CLDN2: variants seen among roughly 807,000 people sequenced by gnomAD.
CLDN2 encodes the protein claudin-2.
CLDN2 carries 1 observed loss-of-function variant against 8.2 expected under a neutral mutation model. That is an observed-to-expected ratio of 0.12 (90% CI 0.04 to 0.58). The LOEUF is 0.58. Ranked by LOEUF, CLDN2 falls within the 20% of genes least tolerant of loss-of-function variation. The pLI, the probability that CLDN2 is intolerant of heterozygous loss-of-function variation, is 0.90. For synonymous variants in CLDN2, 70 were observed against 70.2 expected (o/e 1.00, Z 0.01); for missense variants, 108 against 172.9 (o/e 0.62, Z 2.11).
chrX:106,922,657 C>T (rs979068457), intron 1 of CLDN2, among the ~76,000 whole-genome samples: 1 of 112,125 alleles, frequency 8.9e-6, no homozygotes, highest in African/African-American at 3.2e-5. Flanking sequence ...GGGTGAGGAG[C>T]AGGGAGGGCC....
At chrX:106,912,408 CTTTT>C (rs1158258640) in intron 1 of CLDN2, among the ~76,000 whole-genome samples, 9 of 68,010 alleles carry the variant, frequency 1.3e-4, no homozygotes, top group Non-Finnish European at 2.1e-4. Context: ...TTATGGAACT[CTTTT>C]TTTTTTTTTT....
upstream of CLDN2, among the ~76,000 whole-genome samples, chrX:106,914,637 T>C (rs1428510011): frequency 8.9e-6 from 1 of 111,847 alleles, no homozygotes; most frequent in Non-Finnish European, 1.9e-5. Context: ...TTTTGAAAAC[T>C]ATAATTGTCA....
intron 1 of CLDN2, among the ~76,000 whole-genome samples, chrX:106,925,963 G>A (rs765957562): frequency 6.3e-5 from 7 of 111,872 alleles, no homozygotes; most frequent in Non-Finnish European, 3.8e-5. Flanking sequence ...CTAAGATCAC[G>A]CCACCCCACT....
chrX:106,929,173 G>A lies in CLDN2; in HGVS notation c.*252G>A. On this transcript the variant is annotated 3_prime_UTR_variant, in exon 2 of 2. Transcript: ENST00000336803. ...TCACCTTGCTGCTCCCCTGCCCTAA[G>A]TCCCCAACCCTCAACTTGAAACCCC... The A allele has an allele frequency of 2.7e-5, 11 of 407,815 alleles. No individual in the cohort carries two copies. The South Asian group carries it at 5.1e-4, about 19-fold the overall frequency. 33.6% of individuals were successfully genotyped at this position (407,815 alleles called of 1,213,427 possible).
intron 1 of CLDN2, among the ~76,000 whole-genome samples, chrX:106,925,604 G>A (rs991711079): frequency 2.8e-4 from 32 of 112,505 alleles, no homozygotes; most frequent in South Asian, 1.1e-3. Context: ...GCTTTATGTA[G>A]AGTAGTGACT....
chrX:106,919,683 C>T (rs370795910), upstream of CLDN2, among the ~76,000 whole-genome samples: 1 of 112,009 alleles, frequency 8.9e-6, no homozygotes, highest in Admixed American at 9.4e-5. Context: ...AAGGTTTAAC[C>T]GCGTTGGCCA....
intron 1 of CLDN2, among the ~76,000 whole-genome samples, chrX:106,927,130 T>C (rs1309170841): frequency 9.0e-6 from 1 of 111,643 alleles, no homozygotes; most frequent in Non-Finnish European, 1.9e-5. Flanking sequence ...TTGTAGAGAA[T>C]GGGGAGGTGT....
chrX:106,903,335 T>C (rs1436469921), intron 1 of CLDN2: 3 of 1,128,309 alleles, frequency 2.7e-6, no homozygotes, highest in Non-Finnish European at 3.5e-6. Flanking sequence ...CAGAACCTTC[T>C]GCACTCTTTT....
At chrX:106,903,849 G>GA (rs1933144779) in intron 1 of CLDN2, among the ~76,000 whole-genome samples, 1 of 112,230 alleles carries the variant, frequency 8.9e-6, no homozygotes, top group Admixed American at 9.4e-5. Flanking sequence ...CTGGGTTAGG[G>GA]AAAAAAGGGG....
intron 1 of CLDN2, among the ~76,000 whole-genome samples, chrX:106,912,577 C>T (rs1042790030): frequency 1.8e-5 from 2 of 110,022 alleles, no homozygotes; most frequent in African/African-American, 3.3e-5. Flanking sequence ...CCATGCCCAG[C>T]TAATTGTTTT....
intron 1 of CLDN2, chrX:106,901,575 C>T: frequency 8.4e-7 from 1 of 1,183,629 alleles, no homozygotes; most frequent in Non-Finnish European, 1.1e-6. Flanking sequence ...GCTCAAAGTA[C>T]ATGGCTAGAT....
chrX:106,919,442 T>G (rs1456224563), upstream of CLDN2, among the ~76,000 whole-genome samples: 5 of 111,442 alleles, frequency 4.5e-5, no homozygotes, highest in African/African-American at 1.3e-4. Context: ...TGTTTGTTTG[T>G]TTTGGTTTGG....
chrX:106,927,174 C>T (rs1933480953), intron 1 of CLDN2, among the ~76,000 whole-genome samples: 1 of 111,715 alleles, frequency 9.0e-6, no homozygotes, highest in Admixed American at 9.5e-5. Context: ...ATCTTGGCAA[C>T]ACCGAGGGCT....
chrX:106,902,125 AG>A, intron 1 of CLDN2: 1 of 1,184,420 alleles, frequency 8.4e-7, no homozygotes, highest in Non-Finnish European at 1.1e-6. Context: ...ACACGTCACA[AG>A]GGCTCGAACT....
chrX:106,919,684 G>A (rs1003975598), upstream of CLDN2, among the ~76,000 whole-genome samples: 5 of 111,871 alleles, frequency 4.5e-5, no homozygotes, highest in Admixed American at 9.4e-5. Flanking sequence ...AGGTTTAACC[G>A]CGTTGGCCAG....
Position 106,928,565 on chromosome X carries a change from G to A in CLDN2, c.337G>A (p.Ala113Thr), listed in dbSNP as rs762164452. 1 of 1,211,773 alleles carries A rather than the reference G, an allele frequency of 8.3e-7. No homozygotes were observed. Residue 113 changes from alanine to threonine, a missense_variant, in exon 2 of 2, where the codon GCC (alanine) becomes ACC (threonine). Physicochemically the swap from Ala to Thr is moderately conservative, Grantham distance 58. Coordinates refer to ENST00000336803, the MANE Select transcript of CLDN2 (RefSeq NM_020384.4). ...CACAGTCTTCTGCCAGGAATCCCGA[G>A]CCAAAGACAGAGTGGCGGTAGCAGG... ...RCTVFCQESR[A>T]KDRVAVAGGV...
At chrX:106,907,217 G>T (rs1178509263) in intron 1 of CLDN2, among the ~76,000 whole-genome samples, 2 of 111,220 alleles carry the variant, frequency 1.8e-5, no homozygotes, top group Non-Finnish European at 3.8e-5. Flanking sequence ...CGCTTTCTTG[G>T]TTTTCCTCCT....
At chrX:106,908,580 T>G (rs372397209) in intron 1 of CLDN2, among the ~76,000 whole-genome samples, 76 of 107,689 alleles carry the variant, frequency 7.1e-4, no homozygotes, top group Admixed American at 3.1e-3. Context: ...TTTTTTTTTT[T>G]TTGTTGTTGT....
intron 1 of CLDN2, among the ~76,000 whole-genome samples, chrX:106,902,877 C>A (rs1036028506): frequency 1.8e-5 from 2 of 112,584 alleles, no homozygotes; most frequent in African/African-American, 6.5e-5. Context: ...ACTCAGCCAC[C>A]TGGCCTATGA....
Sources: allele counts gnomAD v4.1 joint callset (sites outside exome capture counted in the v4.1 genomes callset), GRCh38; gene constraint gnomAD v4.1.1; transcripts MANE v1.5; gene names NCBI Gene and HGNC (gene_info 2026-07-23, HGNC 2026-07-21).